SCGB2B2: variants seen among roughly 807,000 people sequenced by gnomAD.
The protein encoded by SCGB2B2 is secretoglobin-like protein.
In SCGB2B2, 11 loss-of-function variants were observed where a neutral mutation model predicts 7.6. The ratio of observed to expected loss-of-function variants is 1.45; its 90% CI spans 0.91 to 2.40. The LOEUF (loss-of-function observed/expected upper bound fraction) is 2.40. SCGB2B2 is among the 30% of genes most tolerant of loss of function. SCGB2B2 has a pLI of 0.00. For missense variants in SCGB2B2, 104 were observed against 115.4 expected (o/e 0.90, Z 0.45); for synonymous variants, 50 against 48.6 (o/e 1.03, Z -0.12).
intron 1 of SCGB2B2, among the ~76,000 whole-genome samples, chr19:34,639,942 G>A (rs1448473734): frequency 1.3e-5 from 2 of 152,080 alleles, no homozygotes; most frequent in Non-Finnish European, 2.9e-5. Flanking sequence ...CTGAGGGCTT[G>A]CTCTTGGTGG....
At chr19:34,638,494 GACA>G (rs960887858) in intron 1 of SCGB2B2, among the ~76,000 whole-genome samples, 4 of 148,818 alleles carry the variant, frequency 2.7e-5, no homozygotes, top group African/African-American at 9.9e-5. Context: ...AACAAACAAT[GACA>G]ACAACAAAAA....
chr19:34,656,358 C>A (rs188687984), intron 1 of SCGB2B2, among the ~76,000 whole-genome samples: 1 of 151,232 alleles, frequency 6.6e-6, no homozygotes, highest in African/African-American at 2.5e-5. Context: ...AGTTCCAGCA[C>A]GCTGGGAGGC....
chr19:34,663,883 G>A (rs2146156678), intron 1 of SCGB2B2, among the ~76,000 whole-genome samples: 1 of 152,184 alleles, frequency 6.6e-6, no homozygotes, highest in East Asian at 1.9e-4. Flanking sequence ...GGACTGGGGG[G>A]AAGAGACAAT....
chr19:34,636,259 A>G (rs529798852), intron 1 of SCGB2B2, among the ~76,000 whole-genome samples: 1 of 152,350 alleles, frequency 6.6e-6, no homozygotes, highest in East Asian at 1.9e-4. Context: ...TTACAAATGC[A>G]GGAACAAGTA....
chr19:34,657,322 C>G (rs1300774160), intron 1 of SCGB2B2, among the ~76,000 whole-genome samples: 1 of 151,076 alleles, frequency 6.6e-6, no homozygotes, highest in Non-Finnish European at 1.5e-5. Context: ...GATAAAGAGT[C>G]AAGACCCATC....
intron 1 of SCGB2B2, among the ~76,000 whole-genome samples, chr19:34,610,325 G>C (rs2065892834): frequency 1.3e-5 from 2 of 152,038 alleles, no homozygotes; most frequent in African/African-American, 4.8e-5. Flanking sequence ...AATTGCTCTG[G>C]CTAGGACTTC....
chr19:34,651,685 G>T (rs2067164449), intron 1 of SCGB2B2, among the ~76,000 whole-genome samples: 2 of 151,174 alleles, frequency 1.3e-5, no homozygotes, highest in Non-Finnish European at 2.9e-5. Context: ...GATCACTATT[G>T]TGAAAATGAC....
chr19:34,657,746 C>A (rs2067320972), intron 1 of SCGB2B2, among the ~76,000 whole-genome samples: 1 of 150,796 alleles, frequency 6.6e-6, no homozygotes, highest in Admixed American at 6.6e-5. Flanking sequence ...CCAAGCGGAC[C>A]TAATAGACAT....
chr19:34,607,601 T>C (rs1349297226), intron 1 of SCGB2B2, among the ~76,000 whole-genome samples: 2 of 152,252 alleles, frequency 1.3e-5, no homozygotes, highest in Non-Finnish European at 2.9e-5. Context: ...TTCACATCTT[T>C]GCAAACACTT....
At chr19:34,674,725 G>C (rs2067880094) in intron 1 of SCGB2B2, among the ~76,000 whole-genome samples, 1 of 152,168 alleles carries the variant, frequency 6.6e-6, no homozygotes, top group South Asian at 2.1e-4. Context: ...GGGAGAGGAA[G>C]AGTTTGCTGA....
intron 1 of SCGB2B2, among the ~76,000 whole-genome samples, chr19:34,601,598 G>A (rs1391110793): frequency 6.6e-6 from 1 of 152,098 alleles, no homozygotes; most frequent in Non-Finnish European, 1.5e-5. Context: ...TGCCATTGTA[G>A]ATGTTATCTT....
rs528218448 is a variant in SCGB2B2, at chr19:34,601,850, T to C, written c.-2031-5256A>G. On this transcript the variant is annotated intron_variant, in intron 1 of 3. Transcript: ENST00000601241. ...CAGTGTTGGGTAACAATGGTGAAAG[T>C]AGGCTTTTTTGTTTAGTATCTGAAC... Among the ~76,000 whole-genome samples, 4 of 152,292 alleles carry C rather than the reference T, an allele frequency of 2.6e-5. No homozygotes were observed. In the South Asian group the frequency reaches 6.2e-4, roughly 24 times the overall value.
At chr19:34,641,672 G>C (rs1290088107) in intron 1 of SCGB2B2, among the ~76,000 whole-genome samples, 4 of 151,966 alleles carry the variant, frequency 2.6e-5, no homozygotes, top group Non-Finnish European at 4.4e-5. Flanking sequence ...TTCTAGTTTT[G>C]GTTGATCTTC....
At chr19:34,590,093 C>T (rs1346149435), downstream of SCGB2B2, among the ~76,000 whole-genome samples, 1 of 152,182 alleles carries the variant, frequency 6.6e-6, no homozygotes, top group East Asian at 1.9e-4. Flanking sequence ...TGGGTATGAC[C>T]CCATTTCAAC....
In SCGB2B2 at chr19:34,594,351, A is replaced by G. The variant is rs1372456770; in HGVS notation, c.70T>C (p.Cys24Arg). ...GCAAGCAGTTTATCGATATCCAGGC[A>G]GGCATCCCCTGTGGAGGATGAGGTG... ...LICSVQLGDA[C>R]LDIDKLLANV... is the part of the protein sequence containing the mutation. Residue 24 changes from cysteine to arginine, a missense_variant, in exon 3 of 4, where the codon TGC becomes CGC. Coordinates refer to ENST00000601241, the MANE Select transcript of SCGB2B2 (RefSeq NM_001025591.4). 3.1e-6 allele frequency: 5 copies of G among 1,613,962 alleles called. No homozygotes were observed. Among genetic ancestry groups the G allele is most frequent in the Admixed American group, 1.7e-5 (1 of 60,028 alleles).
intron 1 of SCGB2B2, among the ~76,000 whole-genome samples, chr19:34,599,490 A>G (rs2065557732): frequency 1.3e-5 from 2 of 152,228 alleles, no homozygotes; most frequent in South Asian, 4.1e-4. Context: ...TGGCGGCAGC[A>G]AGAGACAGAA....
intron 1 of SCGB2B2, among the ~76,000 whole-genome samples, chr19:34,666,520 G>T (rs1008142961): frequency 3.9e-5 from 6 of 152,056 alleles, no homozygotes; most frequent in African/African-American, 1.2e-4. Context: ...CGGACAGGAA[G>T]GGGGCGGGTA....
At chr19:34,619,532 G>C (rs6510438) in intron 1 of SCGB2B2, among the ~76,000 whole-genome samples, 1 of 151,940 alleles carries the variant, frequency 6.6e-6, no homozygotes, top group Non-Finnish European at 1.5e-5. Context: ...GCAAAGAGAC[G>C]GCAAGCAATT....
At chr19:34,586,593 T>C (rs1284704879), downstream of SCGB2B2, among the ~76,000 whole-genome samples, 1 of 152,242 alleles carries the variant, frequency 6.6e-6, no homozygotes, top group African/African-American at 2.4e-5. Flanking sequence ...GAATAGTTTA[T>C]ACCTTTTTTG....
Sources: gnomAD v4.1 joint callset for allele counts (sites outside exome capture counted in the v4.1 genomes callset) on GRCh38, gnomAD v4.1.1 for gene constraint, MANE v1.5 for transcripts, NCBI Gene and HGNC (gene_info 2026-07-23, HGNC 2026-07-21) for gene names.